The following KCTD1 variants were observed in gnomAD, a reference collection of about 807,000 sequenced individuals.
KCTD1 encodes potassium channel tetramerization domain containing 1, also known as BTB/POZ domain-containing protein KCTD1.
A neutral mutation model predicts 66.0 loss-of-function variants in KCTD1; 24 were observed. That is an observed-to-expected ratio of 0.36 (90% CI 0.26 to 0.51). KCTD1 has a LOEUF of 0.51. Among genes scored for constraint, KCTD1 ranks in the 20% least tolerant of loss-of-function variants. The pLI, the probability that KCTD1 is intolerant of heterozygous loss-of-function variation, is 0.95. For synonymous variants in KCTD1, 511 were observed against 517.2 expected (o/e 0.99, Z 0.16); for missense variants, 943 against 1,205.2 (o/e 0.78, Z 3.22).
chr18:26,546,015 G>A (rs1050309931), intron 1 of KCTD1, among the ~76,000 whole-genome samples: 1 of 152,054 alleles, frequency 6.6e-6, no homozygotes, highest in East Asian at 1.9e-4. Context: ...GCTCCGTGGG[G>A]CTAGGGGGAG....
intron 1 of KCTD1, among the ~76,000 whole-genome samples, chr18:26,656,502 C>A: frequency 6.6e-6 from 1 of 151,368 alleles, no homozygotes. Context: ...TTAAAGGCGC[C>A]TGGGTGGGCG....
chr18:26,509,905 AAGAC>A (rs1983248248), intron 1 of KCTD1, among the ~76,000 whole-genome samples: 1 of 152,198 alleles, frequency 6.6e-6, no homozygotes, highest in South Asian at 2.1e-4. Flanking sequence ...CCTCATCTCT[AAGAC>A]AGGAATAAAT....
chr18:26,493,592 T>C (rs930787429), intron 2 of KCTD1, among the ~76,000 whole-genome samples: 1 of 152,158 alleles, frequency 6.6e-6, no homozygotes, highest in African/African-American at 2.4e-5. Flanking sequence ...AGTAGGTATA[T>C]ATATTATGGG....
At chr18:26,621,387 G>A (rs1019894007) in intron 1 of KCTD1, among the ~76,000 whole-genome samples, 11 of 151,988 alleles carry the variant, frequency 7.2e-5, no homozygotes, top group African/African-American at 2.7e-4. Context: ...CGGGAAGCTC[G>A]GCACTTCCTA....
At position 26,584,110 on chromosome 18, in the gene KCTD1, A is replaced by AC. The variant is rs564528469; in HGVS notation, c.-16+45036dup. Among the ~76,000 whole-genome samples the AC allele has an allele frequency of 2.9e-3, 444 of 152,310 alleles. 1 individual carries two copies. The highest frequency in any genetic ancestry group is 9.5e-3 in the African/African-American group (393 of 41,552). On this transcript the variant is annotated intron_variant, in intron 1 of 4. Transcript: ENST00000317932. ...TTTGAAGTCATTTCTTATATGAAAG[A>AC]CCAGGGTTCTGAGGCAATATTGGGA...
At chr18:26,463,768 C>T (rs1042911023) in intron 3 of KCTD1, among the ~76,000 whole-genome samples, 3 of 152,140 alleles carry the variant, frequency 2.0e-5, no homozygotes, top group Non-Finnish European at 2.9e-5. Flanking sequence ...AACTTCTGAC[C>T]TCATGTGATC....
At chr18:26,518,476 G>A (rs1383986745) in intron 1 of KCTD1, among the ~76,000 whole-genome samples, 1 of 152,170 alleles carries the variant, frequency 6.6e-6, no homozygotes, top group Non-Finnish European at 1.5e-5. Flanking sequence ...ACATTGGTCA[G>A]GCTGGTCTTG....
chr18:26,459,671 C>T lies in KCTD1; in HGVS notation c.2388G>A (p.Thr796=), dbSNP rs764540429. 282 of 1,611,332 alleles carry T rather than the reference C, an allele frequency of 1.8e-4. 1 individual carries two copies. The highest frequency in any genetic ancestry group is 2.3e-4 in the Non-Finnish European group (267 of 1,178,170). The change falls in exon 4 of 5, where the codon ACG becomes ACA. Residue 796 remains threonine (T), a synonymous_variant. Coordinates refer to ENST00000580059, the MANE Select transcript of KCTD1 (RefSeq NM_001142730.3). ...CATTTAGTGGAAACCTGATGACGTGCGTCGAGTCGTGATTCCAGCCTGCAT... is the reference window on the plus strand; with the variant it reads ...CATTTAGTGGAAACCTGATGACGTGTGTCGAGTCGTGATTCCAGCCTGCAT... ...SVNAGWNHDS[T]HVIRFPLNGY...
At chr18:26,467,747 G>A (rs980876089) in intron 3 of KCTD1, among the ~76,000 whole-genome samples, 1 of 150,172 alleles carries the variant, frequency 6.7e-6, no homozygotes, top group Non-Finnish European at 1.5e-5. Context: ...CCCAGGAGGC[G>A]AAGGTTGCAG....
intron 3 of KCTD1, chr18:26,460,745 C>G (rs1980377229): frequency 6.6e-6 from 1 of 152,148 alleles, no homozygotes; most frequent in African/African-American, 2.4e-5. Flanking sequence ...TTTCCTCCAG[C>G]CTTAAAATAA....
At chr18:26,579,803 GA>G (rs1986311838) in intron 1 of KCTD1, among the ~76,000 whole-genome samples, 1 of 152,104 alleles carries the variant, frequency 6.6e-6, no homozygotes, top group African/African-American at 2.4e-5. Context: ...GCTGGAAGGG[GA>G]AAACTGAAGC....
At chr18:26,513,966 T>C (rs1983491314) in intron 1 of KCTD1, among the ~76,000 whole-genome samples, 1 of 152,224 alleles carries the variant, frequency 6.6e-6, no homozygotes, top group South Asian at 2.1e-4. Flanking sequence ...TCTACTTGCC[T>C]CCACTGGCAG....
intron 3 of KCTD1, among the ~76,000 whole-genome samples, chr18:26,471,575 GGA>G (rs1208024491): frequency 1.3e-5 from 2 of 151,956 alleles, no homozygotes; most frequent in Non-Finnish European, 1.5e-5. Context: ...ATGGTGGCAG[GGA>G]GAGAGAGGGG....
intron 1 of KCTD1, among the ~76,000 whole-genome samples, chr18:26,608,766 A>C (rs1033200133): frequency 1.3e-5 from 2 of 152,264 alleles, no homozygotes; most frequent in African/African-American, 4.8e-5. Flanking sequence ...ATTTTGAAGA[A>C]GGAAATCCAT....
At chr18:26,571,350 T>C (rs1370924082) in intron 1 of KCTD1, among the ~76,000 whole-genome samples, 1 of 152,146 alleles carries the variant, frequency 6.6e-6, no homozygotes, top group Admixed American at 6.5e-5. Context: ...GAACACTTCA[T>C]ATTGCAATTT....
chr18:26,569,874 T>C (rs1460437705), intron 1 of KCTD1, among the ~76,000 whole-genome samples: 2 of 152,226 alleles, frequency 1.3e-5, no homozygotes, highest in African/African-American at 2.4e-5. Flanking sequence ...ATTAATTAGA[T>C]ATTGCAGTCA....
intron 1 of KCTD1, among the ~76,000 whole-genome samples, chr18:26,575,979 G>A (rs1598948767): frequency 6.6e-6 from 1 of 152,178 alleles, no homozygotes; most frequent in East Asian, 1.9e-4. Flanking sequence ...CAGACACATG[G>A]ACGTGTAAGT....
chr18:26,656,148 G>A (rs1372102742), intron 1 of KCTD1, among the ~76,000 whole-genome samples: 1 of 152,222 alleles, frequency 6.6e-6, no homozygotes, highest in Non-Finnish European at 1.5e-5. Context: ...AGACGGCGGA[G>A]GCCAGAGGCG....
chr18:26,617,188 C>A (rs1215766434), intron 1 of KCTD1, among the ~76,000 whole-genome samples: 1 of 152,170 alleles, frequency 6.6e-6, no homozygotes, highest in Non-Finnish European at 1.5e-5. Flanking sequence ...AATTGGCCAT[C>A]CCAAAATAAC....
Sources: gnomAD v4.1 joint callset for allele counts (sites outside exome capture counted in the v4.1 genomes callset) on GRCh38, gnomAD v4.1.1 for gene constraint, MANE v1.5 for transcripts, NCBI Gene and HGNC (gene_info 2026-07-23, HGNC 2026-07-21) for gene names.